Variants in PGAP4 observed in about 807,000 individuals in gnomAD.
PGAP4 encodes the protein post-GPI attachment to proteins GalNAc transferase 4.
A neutral mutation model predicts 28.2 loss-of-function variants in PGAP4; 12 were observed. The observed-to-expected ratio is 0.42, with a 90% CI of 0.27 to 0.69. The LOEUF is 0.69. Ranked by LOEUF, PGAP4 falls within the 30% of genes least tolerant of loss-of-function variation. The probability of loss-of-function intolerance (pLI) is 0.22; values close to 1 mark genes in which losing one functional copy is unlikely to be tolerated. For missense variants in PGAP4, 425 were observed against 513.5 expected (o/e 0.83, Z 1.67); for synonymous variants, 205 against 211.8 (o/e 0.97, Z 0.28).
At chr9:101,490,252 C>A (rs936567247), upstream of PGAP4, among the ~76,000 whole-genome samples, 2 of 152,110 alleles carry the variant, frequency 1.3e-5, no homozygotes, top group African/African-American at 4.8e-5. Flanking sequence ...TGCAGTGATG[C>A]AATCTCAGCT....
chr9:101,477,511 C>T (rs759682418), intron 1 of PGAP4, among the ~76,000 whole-genome samples: 1 of 152,090 alleles, frequency 6.6e-6, no homozygotes, highest in African/African-American at 2.4e-5. Context: ...ACCAGCTACA[C>T]AGACAATGGG....
chr9:101,518,450 TC>T (rs1826959230), intron 2 of PGAP4, among the ~76,000 whole-genome samples: 1 of 152,138 alleles, frequency 6.6e-6, no homozygotes, highest in Non-Finnish European at 1.5e-5. Context: ...TCCCCCCAAG[TC>T]CCCAATATCC....
At chr9:101,527,345 G>C (rs1827044208) in intron 2 of PGAP4, among the ~76,000 whole-genome samples, 1 of 152,176 alleles carries the variant, frequency 6.6e-6, no homozygotes, top group South Asian at 2.1e-4. Flanking sequence ...TACTACTGCT[G>C]TAAGACCTCC....
rs981270476 is a variant in PGAP4 at position 101,474,135 on chromosome 9, G to C, written c.*1746C>G. The C allele has an allele frequency of 6.6e-6, 1 of 152,154 alleles. No individual in the cohort carries two copies. The highest frequency in any genetic ancestry group is 6.6e-5 in the Admixed American group (1 of 15,266). 9.4% of individuals were successfully genotyped at this position (152,154 alleles called of 1,614,324 possible). The stretch of plus-strand genomic sequence containing the variant: ...TAATGTGGTTAAGAAAAAAGTGCAG[G>C]GGCTTGAAGTCAGAAGAGCTCCGTT... On this transcript the variant is annotated 3_prime_UTR_variant, in exon 2 of 2. Coordinates refer to ENST00000374848, the MANE Select transcript of PGAP4 (RefSeq NM_032342.3).
chr9:101,491,040 A>G (rs762689732), upstream of PGAP4, among the ~76,000 whole-genome samples: 11 of 152,144 alleles, frequency 7.2e-5, no homozygotes, highest in Non-Finnish European at 1.2e-4. Flanking sequence ...TACACCATTT[A>G]ATAATACCAG....
At chr9:101,508,311 T>C (rs1278812129) in intron 2 of PGAP4, among the ~76,000 whole-genome samples, 1 of 152,156 alleles carries the variant, frequency 6.6e-6, no homozygotes, top group African/African-American at 2.4e-5. Context: ...AAAACCAGTC[T>C]GACTGACAGT....
At chr9:101,508,794 G>C (rs990091465) in intron 2 of PGAP4, among the ~76,000 whole-genome samples, 2 of 152,122 alleles carry the variant, frequency 1.3e-5, no homozygotes, top group Non-Finnish European at 2.9e-5. Flanking sequence ...GGAGCCCTGA[G>C]CTCGTTTTCC....
At chr9:101,526,979 C>T (rs1827040292) in intron 2 of PGAP4, among the ~76,000 whole-genome samples, 2 of 152,212 alleles carry the variant, frequency 1.3e-5, no homozygotes, top group Admixed American at 1.3e-4. Context: ...ACTCATGTGT[C>T]TCCTGTTTTA....
At chr9:101,505,833 C>T (rs1032854679) in intron 2 of PGAP4, among the ~76,000 whole-genome samples, 2 of 152,078 alleles carry the variant, frequency 1.3e-5, no homozygotes, top group Non-Finnish European at 2.9e-5. Flanking sequence ...TTATCTGGTT[C>T]GTAAAAACAC....
At chr9:101,514,932 T>G (rs898088362) in intron 2 of PGAP4, among the ~76,000 whole-genome samples, 5 of 152,176 alleles carry the variant, frequency 3.3e-5, no homozygotes, top group African/African-American at 9.7e-5. Flanking sequence ...TGGCTCTAAG[T>G]TTCTGCTTTG....
At chr9:101,498,423 G>T (rs372515290) in intron 2 of PGAP4, among the ~76,000 whole-genome samples, 35 of 151,690 alleles carry the variant, frequency 2.3e-4, no homozygotes, top group African/African-American at 7.7e-4. Flanking sequence ...TATATTTTTG[G>T]AAGGTGTCCA....
chr9:101,475,798 T>C lies in PGAP4; in HGVS notation c.*83A>G, dbSNP rs1243856760. The stretch of plus-strand genomic sequence containing the variant: ...TAACAACAGTAAACAGTGAAATACC[T>C]GCAGGCAACCATGTCTAAATAAAGA... On this transcript the variant is annotated 3_prime_UTR_variant, in exon 2 of 2. Coordinates refer to ENST00000374848, the MANE Select transcript of PGAP4 (RefSeq NM_032342.3). 20 of 1,412,826 alleles carry C rather than the reference T, an allele frequency of 1.4e-5. No homozygotes were observed. The highest frequency in any genetic ancestry group is 1.9e-5 in the Non-Finnish European group (20 of 1,028,160). 87.5% of individuals were successfully genotyped at this position (1,412,826 alleles called of 1,614,324 possible).
At chr9:101,506,732 C>A (rs1224310279) in intron 2 of PGAP4, among the ~76,000 whole-genome samples, 1 of 151,822 alleles carries the variant, frequency 6.6e-6, no homozygotes, top group East Asian at 1.9e-4. Flanking sequence ...TTAAATAGAC[C>A]CCACTAAGCC....
At position 101,476,645 on chromosome 9, in the gene PGAP4, C is replaced by G. The variant is rs766149345; in HGVS notation, c.448G>C (p.Val150Leu). The change falls in exon 2 of 2, where the codon GTG becomes CTG. Residue 150 changes from valine to leucine, a missense_variant. Physicochemically the swap from Val to Leu is conservative, Grantham distance 32. Transcript: ENST00000374848. This position sits in a 1 kb window ranked among gnomAD's most constrained non-coding sequence, Gnocchi z 7.0. ...AGCAACTTGGCATCAAAATGGCTCACACTACGCTCCACGTTGCACAGGAAG... is the reference window on the plus strand; with the variant it reads ...AGCAACTTGGCATCAAAATGGCTCAGACTACGCTCCACGTTGCACAGGAAG... The part of the protein sequence containing the change: ...QLFLCNVERS[V>L]SHFDAKLLSK... 5.6e-6 allele frequency: 9 copies of G among 1,614,072 alleles called. No homozygotes were observed. Among genetic ancestry groups the G allele is most frequent in the Non-Finnish European group, 7.6e-6 (9 of 1,180,052 alleles).
At chr9:101,520,206 T>C (rs1202257359) in intron 2 of PGAP4, among the ~76,000 whole-genome samples, 1 of 152,204 alleles carries the variant, frequency 6.6e-6, no homozygotes, top group Non-Finnish European at 1.5e-5. Context: ...TCCTTTTTGG[T>C]TCCATATGAA....
chr9:101,490,900 C>T (rs909639126), upstream of PGAP4, among the ~76,000 whole-genome samples: 2 of 152,154 alleles, frequency 1.3e-5, no homozygotes, highest in African/African-American at 4.8e-5. Context: ...TCTGAATTCT[C>T]GCTATCGGCA....
At chr9:101,529,485 T>C (rs2118642619) in intron 2 of PGAP4, among the ~76,000 whole-genome samples, 1 of 152,312 alleles carries the variant, frequency 6.6e-6, no homozygotes, top group East Asian at 1.9e-4. Flanking sequence ...AGCATTAAAC[T>C]AAATGGGGCT....
At chr9:101,480,332 C>T (rs1458983208) in intron 1 of PGAP4, among the ~76,000 whole-genome samples, 1 of 151,914 alleles carries the variant, frequency 6.6e-6, no homozygotes, top group Non-Finnish European at 1.5e-5. Context: ...CTCTAGGACC[C>T]AGGCAGATAG....
intron 2 of PGAP4, among the ~76,000 whole-genome samples, chr9:101,494,852 GGACT>G (rs910373680): frequency 1.3e-5 from 2 of 150,954 alleles, no homozygotes; most frequent in African/African-American, 4.9e-5. Context: ...ACCAGAATCA[GGACT>G]GACAGCATTA....
Sources: gnomAD v4.1 joint callset for allele counts (sites outside exome capture counted in the v4.1 genomes callset) on GRCh38, gnomAD v4.1.1 for gene constraint, Gnocchi (gnomAD v3.1) non-coding constraint, MANE v1.5 for transcripts, NCBI Gene and HGNC (gene_info 2026-07-23, HGNC 2026-07-21) for gene names.